The following ZNF281 variants were observed in gnomAD, a reference collection of about 807,000 sequenced individuals.
The protein encoded by ZNF281 is zinc finger protein 281, also known as GC-box-binding zinc finger protein 1.
ZNF281 carries 2 observed loss-of-function variants against 58.8 expected under a neutral mutation model. The observed-to-expected ratio is 0.03, with a 90% CI of 0.01 to 0.11. The LOEUF (loss-of-function observed/expected upper bound fraction) is 0.11, where lower values mean the gene tolerates loss of function less well. Among genes scored for constraint, ZNF281 ranks in the 10% least tolerant of loss-of-function variants. The probability of loss-of-function intolerance (pLI) is 1.00; values close to 1 mark genes in which losing one functional copy is unlikely to be tolerated. For synonymous variants in ZNF281, 465 were observed against 407.7 expected (o/e 1.14, Z -1.69); for missense variants, 975 against 1,090.7 (o/e 0.89, Z 1.49).
At position 200,408,952 on chromosome 1, in the gene ZNF281, C is replaced by T. The variant is rs149674415; in HGVS notation, c.754G>A (p.Ala252Thr). The T allele has an allele frequency of 5.2e-4, 845 of 1,614,240 alleles. 5 individuals carry two copies. The African/African-American group carries it at 9.3e-3, about 18-fold the overall frequency. The change falls in exon 2 of 2, where the codon GCC becomes ACC. Residue 252 changes from alanine (A) to threonine (T), a missense_variant. This residue lies in a region of ZNF281 where 370 missense variants were observed against 360.9 expected (regional missense o/e 1.03). Transcript: ENST00000367353. ...GGTTTCTGACTTGGGGAGAGGATGG[C>T]ACCTTCTCCATCTCCAACCAAAGAA... ...KPSLVGDGEGAILSPSQKPHI... is the reference protein window; with the variant it reads ...KPSLVGDGEGTILSPSQKPHI...
Position 200,409,311 on chromosome 1 carries a change from G to C in ZNF281, c.395C>G (p.Pro132Arg). ...QSLVSIKQEK[P>R]ADPEEQQSHH... is the part of the protein sequence containing the mutation. Reference sequence around the variant, plus strand: ...GGACTGCTGCTCCTCAGGATCCGCGGGTTTCTCCTGTTTGATGCTAACCAA... The same window carrying C: ...GGACTGCTGCTCCTCAGGATCCGCGCGTTTCTCCTGTTTGATGCTAACCAA... Residue 132 changes from proline (P) to arginine (R), a missense_variant, in exon 2 of 2, where the codon CCC becomes CGC. Coordinates refer to ENST00000367353, the MANE Select transcript of ZNF281 (RefSeq NM_001281293.2). The C allele has an allele frequency of 6.3e-7, 1 of 1,597,560 alleles. No individual in the cohort carries two copies. The highest frequency in any genetic ancestry group is 8.5e-7 in the Non-Finnish European group (1 of 1,171,554).
rs755845433 is a variant in ZNF281, at chr1:200,408,969, A to G, written c.737T>C (p.Val246Ala). The G allele has an allele frequency of 1.2e-5, 19 of 1,614,230 alleles. No individual in the cohort carries two copies. The South Asian group carries it at 2.0e-4, about 17-fold the overall frequency. Residue 246 changes from valine to alanine, a missense_variant, in exon 2 of 2, where the codon GTT becomes GCT. Transcript: ENST00000367353. ...KPSASSKPSL[V>A]GDGEGAILSP... ...GAGGATGGCACCTTCTCCATCTCCA[A>G]CCAAAGAAGGTTTGGAAGATGCACT...
chr1:200,408,550 T>C lies in ZNF281; in HGVS notation c.1156A>G (p.Thr386Ala), dbSNP rs185613670. 10 of 1,614,246 alleles carry C rather than the reference T, an allele frequency of 6.2e-6. No homozygotes were observed. In the East Asian group the frequency reaches 2.2e-4, roughly 36 times the overall value. Residue 386 changes from threonine (T) to alanine (A), a missense_variant, in exon 2 of 2, where the codon ACC (threonine) becomes GCC (alanine). This residue lies in a region of ZNF281 where 579 missense variants were observed against 608.9 expected (regional missense o/e 0.95). Transcript: ENST00000367353. ...AACACAGCCAGATTACCCATATTGG[T>C]ATGGTTTGATGACCCAGGTTCTGCA... ...TSAEPGSSNH[T>A]NMGNLAVLSQ...
rs1163450187 is a variant in ZNF281 at position 200,406,297 on chromosome 1, T to G, written c.*721A>C. On this transcript the variant is annotated 3_prime_UTR_variant, in exon 2 of 2. Coordinates refer to ENST00000367353, the MANE Select transcript of ZNF281 (RefSeq NM_001281293.2). ...AGGGTGCTTTTTTTTTTTCCTTCTTTTATTAAAGCTATCATTCCAGGCTTT... is the reference window on the plus strand; with the variant it reads ...AGGGTGCTTTTTTTTTTTCCTTCTTGTATTAAAGCTATCATTCCAGGCTTT... 6.6e-6 allele frequency: 1 copy of G among 152,552 alleles called. No individual in the cohort carries two copies. The highest frequency in any genetic ancestry group is 1.5e-5 in the Non-Finnish European group (1 of 68,012). 9.4% of individuals were successfully genotyped at this position (152,552 alleles called of 1,614,324 possible). A position where few individuals can be genotyped will look rare whatever the true frequency, so the allele number is the denominator to read the frequency against.
At position 200,409,642 on chromosome 1, in the gene ZNF281, A is replaced by G; in HGVS notation, c.64T>C (p.Ser22Pro). ...CCGCCGCCACTACCACCGCCGCCGGAGCCGCTACCACCGCTACTGCCGGTA... is the reference window on the plus strand; with the variant it reads ...CCGCCGCCACTACCACCGCCGCCGGGGCCGCTACCACCGCTACTGCCGGTA... Reference protein sequence around the residue: ...GGTGSSGGSGSGGGGSGGGGG... With the variant: ...GGTGSSGGSGPGGGGSGGGGG... The change falls in exon 2 of 2, where the codon TCC (serine) becomes CCC (proline). Residue 22 changes from serine to proline, a missense_variant. Coordinates refer to ENST00000367353, the MANE Select transcript of ZNF281 (RefSeq NM_001281293.2). The G allele has an allele frequency of 1.3e-6, 2 of 1,553,838 alleles. No homozygotes were observed. The highest frequency in any genetic ancestry group is 1.7e-6 in the Non-Finnish European group (2 of 1,150,574).
chr1:200,409,511 C>T lies in ZNF281; in HGVS notation c.195G>A (p.Arg65=). 1 of 1,549,334 alleles carries T rather than the reference C, an allele frequency of 6.5e-7. No homozygotes were observed. The highest frequency in any genetic ancestry group is 8.7e-7 in the Non-Finnish European group (1 of 1,146,424). ...GGGGAGGGGCGGCCGACCCCGCCGG[C>T]CGGGTGAAGCTGGTGACCGGGGGAA... ...HRLPPVTSFT[R]PAGSAAPPPQ... The change falls in exon 2 of 2, where the codon CGG becomes CGA. Residue 65 remains arginine (R), a synonymous_variant. Transcript: ENST00000367353.
In ZNF281 at chr1:200,407,351, A is replaced by C; in HGVS notation, c.2355T>G (p.Ser785=). The C allele has an allele frequency of 6.2e-7, 1 of 1,614,076 alleles. No individual in the cohort carries two copies. Among genetic ancestry groups the C allele is most frequent in the Non-Finnish European group, 8.5e-7 (1 of 1,180,038 alleles). The part of the protein sequence containing the change: ...LETSSAFQSS[S]QKLTSQKEQK... ...GTTCCTTCTGGCTAGTCAATTTCTG[A>C]GATGAGGACTGGAAGGCTGATGAAG... Residue 785 remains serine, a synonymous_variant, in exon 2 of 2, where the codon TCT becomes TCG. Transcript: ENST00000367353.
In ZNF281 at chr1:200,407,899, G is replaced by C; in HGVS notation, c.1807C>G (p.Pro603Ala). 6.2e-7 allele frequency: 1 copy of C among 1,614,084 alleles called. No homozygotes were observed. ...IKSCHDKSGI[P>A]DEVLQSILDQ... Reference sequence around the variant, plus strand: ...AAAATACTTTGTAAAACCTCATCAGGAATTCCAGACTTGTCATGACAAGAT... The same window carrying C: ...AAAATACTTTGTAAAACCTCATCAGCAATTCCAGACTTGTCATGACAAGAT... The change falls in exon 2 of 2, where the codon CCT becomes GCT. Residue 603 changes from proline (P) to alanine (A), a missense_variant. By Grantham distance (27) the Pro-to-Ala change is conservative (BLOSUM62 -1). Transcript: ENST00000367353.
Position 200,408,744 on chromosome 1 carries a change from T to A in ZNF281, c.962A>T (p.Gln321Leu). 1 of 1,614,132 alleles carries A rather than the reference T, an allele frequency of 6.2e-7. No individual in the cohort carries two copies. Among genetic ancestry groups the A allele is most frequent in the Non-Finnish European group, 8.5e-7 (1 of 1,180,044 alleles). ...HSREKPFGCD[Q>L]CSMKFIQKYH... ...CTTCTGAATAAACTTCATGCTGCACTGATCACATCCAAATGGCTTCTCTCT... is the reference window on the plus strand; with the variant it reads ...CTTCTGAATAAACTTCATGCTGCACAGATCACATCCAAATGGCTTCTCTCT... The change falls in exon 2 of 2, where the codon CAG (glutamine) becomes CTG (leucine). Residue 321 changes from glutamine (Q) to leucine (L), a missense_variant. By Grantham distance (113) the Gln-to-Leu change is moderately radical. Transcript: ENST00000367353.
chr1:200,407,290 G>T lies in ZNF281; in HGVS notation c.2416C>A (p.Pro806Thr). The change falls in exon 2 of 2, where the codon CCA becomes ACA. Residue 806 changes from proline to threonine, a missense_variant. Pro to Thr is a conservative substitution (Grantham distance 38, BLOSUM62 -1). This residue lies in a region of ZNF281 where 579 missense variants were observed against 608.9 expected (regional missense o/e 0.95). Coordinates refer to ENST00000367353, the MANE Select transcript of ZNF281 (RefSeq NM_001281293.2). ...ATCTGGCTAGCTAACTCCTGAGATG[G>T]AATCTGAAAGCCTGTTGAAGACTCT... ...NLESSTGFQI[P>T]SQELASQIDP... 3.1e-6 allele frequency: 5 copies of T among 1,614,182 alleles called. No individual in the cohort carries two copies. The highest frequency in any genetic ancestry group is 4.2e-6 in the Non-Finnish European group (5 of 1,180,032).
In ZNF281 at chr1:200,408,352, C is replaced by T. The variant is rs1395653940; in HGVS notation, c.1354G>A (p.Gly452Ser). The change falls in exon 2 of 2, where the codon GGC (glycine) becomes AGC (serine). Residue 452 changes from glycine to serine, a missense_variant. By Grantham distance (56) the Gly-to-Ser change is moderately conservative (BLOSUM62 0). Transcript: ENST00000367353. Reference protein sequence around the residue: ...PTVSSSGGIIGTGIDELQKRV... With the variant: ...PTVSSSGGIISTGIDELQKRV... ...TTCTGCAGTTCATCTATTCCAGTGC[C>T]AATTATGCCTCCACTGGAAGACACG... 1.2e-6 allele frequency: 2 copies of T among 1,613,800 alleles called. No homozygotes were observed. Among genetic ancestry groups the T allele is most frequent in the African/African-American group, 2.7e-5 (2 of 74,904 alleles).
In ZNF281 at chr1:200,407,843, C is replaced by G. The variant is rs752287270; in HGVS notation, c.1863G>C (p.Gln621His). The G allele has an allele frequency of 5.6e-6, 9 of 1,614,180 alleles. No individual in the cohort carries two copies. The highest frequency in any genetic ancestry group is 6.8e-6 in the Non-Finnish European group (8 of 1,180,044). Residue 621 changes from glutamine to histidine, a missense_variant, in exon 2 of 2, where the codon CAG (glutamine) becomes CAC (histidine). By Grantham distance (24) the Gln-to-His change is conservative. Around this residue, in one of 3 missense-constraint regions of ZNF281, gnomAD observed 579 missense variants for 608.9 expected, o/e 0.95. Coordinates refer to ENST00000367353, the MANE Select transcript of ZNF281 (RefSeq NM_001281293.2). ...CTGCAATATTGAAAGGATCCTCTTT[C>G]TGGCTTTCTGATTTGTTGGAGTATT... The part of the protein sequence containing the change: ...LDQYSNKSES[Q>H]KEDPFNIAEP...
At position 200,407,902 on chromosome 1, in the gene ZNF281, T is replaced by C. The variant is rs780539622; in HGVS notation, c.1804A>G (p.Ile602Val). 2 of 1,614,144 alleles carry C rather than the reference T, an allele frequency of 1.2e-6. No individual in the cohort carries two copies. The highest frequency in any genetic ancestry group is 8.5e-7 in the Non-Finnish European group (1 of 1,180,022). ...ATACTTTGTAAAACCTCATCAGGAA[T>C]TCCAGACTTGTCATGACAAGATTTA... ...EIKSCHDKSG[I>V]PDEVLQSILD... Residue 602 changes from isoleucine (I) to valine (V), a missense_variant, in exon 2 of 2, where the codon ATT (isoleucine) becomes GTT (valine). Ile to Val is a conservative substitution (Grantham distance 29). This residue lies in a region of ZNF281 where 579 missense variants were observed against 608.9 expected (regional missense o/e 0.95). Transcript: ENST00000367353.
At position 200,408,995 on chromosome 1, in the gene ZNF281, T is replaced by G. The variant is rs1362254408; in HGVS notation, c.711A>C (p.Pro237=). 1 of 1,614,152 alleles carries G rather than the reference T, an allele frequency of 6.2e-7. No individual in the cohort carries two copies. Among genetic ancestry groups the G allele is most frequent in the African/African-American group, 1.3e-5 (1 of 74,962 alleles). Residue 237 remains proline, a synonymous_variant, in exon 2 of 2, where the codon CCA becomes CCC. Coordinates refer to ENST00000367353, the MANE Select transcript of ZNF281 (RefSeq NM_001281293.2). ...CCAAAGAAGGTTTGGAAGATGCACT[T>G]GGCTTCCTCTTGGCTTTGATTCCCT... ...ESQGIKAKRK[P]SASSKPSLVG...
chr1:200,407,210 T>G lies in ZNF281; in HGVS notation c.2496A>C (p.Ala832=). ...PRTTYQIENF[A]QAFGSQFKSG... is the part of the protein sequence containing the mutation. Reference sequence around the variant, plus strand: ...ACTTAAACTGAGAACCAAACGCTTGTGCAAAGTTCTCAATCTGATACGTTG... The same window carrying G: ...ACTTAAACTGAGAACCAAACGCTTGGGCAAAGTTCTCAATCTGATACGTTG... The change falls in exon 2 of 2, where the codon GCA becomes GCC. Residue 832 remains alanine (A), a synonymous_variant. Transcript: ENST00000367353. The G allele has an allele frequency of 6.2e-7, 1 of 1,614,228 alleles. No homozygotes were observed. The highest frequency in any genetic ancestry group is 8.5e-7 in the Non-Finnish European group (1 of 1,180,042).
chr1:200,407,826 T>C lies in ZNF281; in HGVS notation c.1880A>G (p.Asn627Ser), dbSNP rs940091880. 1.2e-6 allele frequency: 2 copies of C among 1,614,078 alleles called. No individual in the cohort carries two copies. Among genetic ancestry groups the C allele is most frequent in the Non-Finnish European group, 8.5e-7 (1 of 1,180,050 alleles). The part of the protein sequence containing the change: ...KSESQKEDPF[N>S]IAEPRVDLHT... ...TAAATCCACTCGTGGTTCTGCAATA[T>C]TGAAAGGATCCTCTTTCTGGCTTTC... The change falls in exon 2 of 2, where the codon AAT becomes AGT. Residue 627 changes from asparagine to serine, a missense_variant. Coordinates refer to ENST00000367353, the MANE Select transcript of ZNF281 (RefSeq NM_001281293.2).
rs866680305 is a variant in ZNF281, at chr1:200,408,326, C to A, written c.1380G>T (p.Lys460Asn). ...IIGTGIDELQ[K>N]RVPKLIFKKG... ...TCTTAAAGATCAATTTTGGCACCCTCTTCTGCAGTTCATCTATTCCAGTGC... is the reference window on the plus strand; with the variant it reads ...TCTTAAAGATCAATTTTGGCACCCTATTCTGCAGTTCATCTATTCCAGTGC... The change falls in exon 2 of 2, where the codon AAG becomes AAT. Residue 460 changes from lysine to asparagine, a missense_variant. Physicochemically the swap from Lys to Asn is moderately conservative, Grantham distance 94. Coordinates refer to ENST00000367353, the MANE Select transcript of ZNF281 (RefSeq NM_001281293.2). 6.2e-7 allele frequency: 1 copy of A among 1,613,314 alleles called. No individual in the cohort carries two copies. Among genetic ancestry groups the A allele is most frequent in the Non-Finnish European group, 8.5e-7 (1 of 1,180,026 alleles).
rs911930195 is a variant in ZNF281 at position 200,407,150 on chromosome 1, G to A, written c.2556C>T (p.Asn852=). The A allele has an allele frequency of 6.2e-7, 1 of 1,614,168 alleles. No individual in the cohort carries two copies. The highest frequency in any genetic ancestry group is 8.5e-7 in the Non-Finnish European group (1 of 1,180,024). ...CTCTATGGTCCACTTCTCCATTAGA[G>A]TTAGTGATAAAGGTCATTGGCACCC... ...GSRVPMTFIT[N]SNGEVDHRVR... is the part of the protein sequence containing the mutation. The change falls in exon 2 of 2, where the codon AAC becomes AAT. Residue 852 remains asparagine (N), a synonymous_variant. Coordinates refer to ENST00000367353, the MANE Select transcript of ZNF281 (RefSeq NM_001281293.2).
At position 200,409,958 on chromosome 1, in the gene ZNF281, CGCCGCA is replaced by C. The variant is rs1462546727; in HGVS notation, c.-37_-32del. 8.4e-6 allele frequency: 5 copies of C among 597,438 alleles called. No individual in the cohort carries two copies. The highest frequency in any genetic ancestry group is 1.2e-5 in the Non-Finnish European group (4 of 342,292). 37.0% of individuals were successfully genotyped at this position (597,438 alleles called of 1,614,324 possible). A position where few individuals can be genotyped will look rare whatever the true frequency, so the allele number is the denominator to read the frequency against. ...CGGCAATACTTACGGGTCCCGCCGC[CGCCGCA>C]GCCGCCGTCGCCTCCAGTTAATAAA... On this transcript the variant is annotated 5_prime_UTR_variant, in exon 1 of 2. Transcript: ENST00000367353.
Sources: gnomAD v4.1 joint callset for allele counts on GRCh38, gnomAD v4.1.1 for gene constraint, gnomAD v4.1.1 regional missense constraint, MANE v1.5 for transcripts, NCBI Gene and HGNC (gene_info 2026-07-23, HGNC 2026-07-21) for gene names.